SH3TC2: variants seen among roughly 807,000 people sequenced by gnomAD.
SH3TC2 encodes the protein SH3 domain and tetratricopeptide repeat-containing protein 2.
SH3TC2 carries 87 observed loss-of-function variants against 124.5 expected under a neutral mutation model. That is an observed-to-expected ratio of 0.70 (90% CI 0.59 to 0.84). The LOEUF is 0.84. SH3TC2 is among the 40% of genes least tolerant of loss of function. The pLI is 0.00. For missense variants in SH3TC2, 1,536 were observed against 1,566.4 expected (o/e 0.98, Z 0.33); for synonymous variants, 634 against 628.5 (o/e 1.01, Z -0.13).
At position 148,983,818 on chromosome 5, in the gene SH3TC2, G is replaced by A. The variant is rs199561076; in HGVS notation, c.*20893C>T. On this transcript the variant is annotated 3_prime_UTR_variant, in exon 17 of 17. Coordinates refer to ENST00000515425, the MANE Select transcript of SH3TC2 (RefSeq NM_024577.4). Reference sequence around the variant, plus strand: ...TTTTCTGTTCCAGTCAAACACAGGGGAGAGGGAAGATAAGATGTAAACTTC... The same window carrying A: ...TTTTCTGTTCCAGTCAAACACAGGGAAGAGGGAAGATAAGATGTAAACTTC... Among the ~76,000 whole-genome samples the A allele has an allele frequency of 1.4e-4, 22 of 152,286 alleles. No individual in the cohort carries two copies. In the East Asian group the frequency reaches 4.1e-3, roughly 28 times the overall value.
chr5:149,023,509 G>C (rs1199089839), intron 12 of SH3TC2, among the ~76,000 whole-genome samples: 1 of 151,348 alleles, frequency 6.6e-6, no homozygotes, highest in Admixed American at 6.6e-5. Context: ...AGTTACTTCA[G>C]GAAAGTATCA....
Position 149,042,716 on chromosome 5 carries a change from G to T in SH3TC2, c.507C>A (p.Tyr169Ter). The T allele has an allele frequency of 6.2e-7, 1 of 1,614,052 alleles. No homozygotes were observed. The highest frequency in any genetic ancestry group is 8.5e-7 in the Non-Finnish European group (1 of 1,180,008). Residue 169 changes from tyrosine (Y) to a stop codon, truncating the protein, a stop_gained, in exon 5 of 17, where the codon TAC (tyrosine) becomes TAA (stop). Transcript: ENST00000515425. LOFTEE classifies it high-confidence loss of function. ...CACCTTCCTGTATCAGGAGTCCCAG[G>T]TATATTGTTTCCAGGTGTTTATCAT... is the stretch of plus-strand genomic sequence containing the variant. ...SVDDKHLETIYLGLLIQEGHF... is the reference protein window; with the variant it reads ...SVDDKHLETI
chr5:149,009,073 T>C, intron 14 of SH3TC2, 72 bp from the exon 15 acceptor site: 4 of 1,596,302 alleles, frequency 2.5e-6, no homozygotes, highest in Non-Finnish European at 3.4e-6. Context: ...AGGAGACTTA[T>C]CTTCTACAGG....
Position 149,041,569 on chromosome 5 carries a change from T to C in SH3TC2, c.578A>G (p.Lys193Arg), listed in dbSNP as rs569256459. The C allele has an allele frequency of 8.1e-6, 13 of 1,614,032 alleles. No individual in the cohort carries two copies. The highest frequency in any genetic ancestry group is 1.0e-5 in the Non-Finnish European group (12 of 1,180,020). The change falls in exon 6 of 17, where the codon AAG (lysine) becomes AGG (arginine). Residue 193 changes from lysine (K) to arginine (R), a missense_variant. By Grantham distance (26) the Lys-to-Arg change is conservative. Coordinates refer to ENST00000515425, the MANE Select transcript of SH3TC2 (RefSeq NM_024577.4). ...GCAAAGTGTCAAGCATTCCCCTTCC[T>C]TCTCGGCTGGTGGAGTCACGGAGCA... Reference protein sequence around the residue: ...ALCSVTPPAEKEGECLTLCKN... With the variant: ...ALCSVTPPAEREGECLTLCKN...
At chr5:149,011,164 C>A (rs149338371) in intron 13 of SH3TC2, among the ~76,000 whole-genome samples, 7 of 152,200 alleles carry the variant, frequency 4.6e-5, no homozygotes, top group Non-Finnish European at 8.8e-5. Context: ...ATGGAATTGA[C>A]CCTGCACAAC....
intron 1 of SH3TC2, among the ~76,000 whole-genome samples, chr5:149,053,891 G>A (rs970380089): frequency 6.6e-6 from 1 of 152,200 alleles, no homozygotes; most frequent in African/African-American, 2.4e-5. Context: ...ACTAGAGGCA[G>A]AGAAGGGTGT....
Position 149,027,458 on chromosome 5 carries a change from G to A in SH3TC2, c.2274C>T (p.Ala758=), listed in dbSNP as rs754884178. The A allele has an allele frequency of 1.2e-6, 2 of 1,614,066 alleles. No individual in the cohort carries two copies. The highest frequency in any genetic ancestry group is 1.3e-5 in the African/African-American group (1 of 74,940). ...EELADRSTQR[A]LCLILSKVYL... ...ACACTTTGGAAAGGATGAGACACAG[G>A]GCCCTCTGGGTGCTCCGGTCTGCTA... Residue 758 remains alanine (A), a synonymous_variant, in exon 11 of 17, where the codon GCC becomes GCT. Transcript: ENST00000515425.
At chr5:149,011,402 A>G (rs1239030953) in intron 13 of SH3TC2, among the ~76,000 whole-genome samples, 1 of 152,202 alleles carries the variant, frequency 6.6e-6, no homozygotes, top group East Asian at 1.9e-4. Flanking sequence ...ACATGAAAGG[A>G]GAAGACTGAA....
At chr5:149,039,653 T>A (rs954558037) in intron 7 of SH3TC2, among the ~76,000 whole-genome samples, 1 of 152,254 alleles carries the variant, frequency 6.6e-6, no homozygotes, top group African/African-American at 2.4e-5. Context: ...TTGGTTCTCA[T>A]AACAACATTT....
Position 149,000,140 on chromosome 5 carries a change from A to G in SH3TC2, c.*4571T>C, listed in dbSNP as rs531691893. ...CTGTAACATCCTGTAACTAACACCAATCACAATGCTTCTGATACTGAATCA... is the reference window on the plus strand; with the variant it reads ...CTGTAACATCCTGTAACTAACACCAGTCACAATGCTTCTGATACTGAATCA... On this transcript the variant is annotated 3_prime_UTR_variant, in exon 17 of 17. Transcript: ENST00000515425. Among the ~76,000 whole-genome samples the G allele has an allele frequency of 3.9e-5, 6 of 152,300 alleles. No individual in the cohort carries two copies. The East Asian group carries it at 1.2e-3, about 29-fold the overall frequency.
At chr5:149,062,048 T>C (rs528235909) in intron 1 of SH3TC2, among the ~76,000 whole-genome samples, 1 of 152,158 alleles carries the variant, frequency 6.6e-6, no homozygotes, top group South Asian at 2.1e-4. Context: ...AAGAAGAAAG[T>C]TGTCTGTCAG....
In SH3TC2 at chr5:148,997,186, G is replaced by A. The variant is rs997216075; in HGVS notation, c.*7525C>T. On this transcript the variant is annotated 3_prime_UTR_variant, in exon 17 of 17. Transcript: ENST00000515425. ...CTTCTGCTACCACCATTGGAGCTAC[G>A]GGTACTATGATGGGTGAGACCCACG... is the stretch of plus-strand genomic sequence containing the variant. Among the ~76,000 whole-genome samples the A allele has an allele frequency of 2.0e-5, 3 of 152,110 alleles. No homozygotes were observed. The highest frequency in any genetic ancestry group is 7.2e-5 in the African/African-American group (3 of 41,420).
rs1276072776 is a variant in SH3TC2 at position 148,989,126 on chromosome 5, G to T, written c.*15585C>A. Among the ~76,000 whole-genome samples the T allele has an allele frequency of 1.3e-5, 2 of 152,080 alleles. No homozygotes were observed. Among genetic ancestry groups the T allele is most frequent in the Non-Finnish European group, 2.9e-5 (2 of 68,010 alleles). ...TAACGTATTTTCTTTATATTTCCTT[G>T]AGTTCCTTTTGGAGTCATTGAATTC... On this transcript the variant is annotated 3_prime_UTR_variant, in exon 17 of 17. Transcript: ENST00000515425.
At chr5:149,039,800 T>C (rs1670097493) in intron 7 of SH3TC2, among the ~76,000 whole-genome samples, 1 of 152,230 alleles carries the variant, frequency 6.6e-6, no homozygotes, top group Non-Finnish European at 1.5e-5. Flanking sequence ...GCGTTCTAAC[T>C]ACAAGGCTGT....
intron 12 of SH3TC2, among the ~76,000 whole-genome samples, chr5:149,018,923 A>G (rs1015692527): frequency 6.6e-6 from 1 of 152,126 alleles, no homozygotes; most frequent in Non-Finnish European, 1.5e-5. Flanking sequence ...CTTTGCTGAA[A>G]GCATTGTCTC....
chr5:149,004,913 G>T lies in SH3TC2; in HGVS notation c.3676-11C>A, dbSNP rs372496654. 2.5e-6 allele frequency: 4 copies of T among 1,613,998 alleles called. No individual in the cohort carries two copies. The highest frequency in any genetic ancestry group is 3.4e-6 in the Non-Finnish European group (4 of 1,180,004). On this transcript the variant is annotated splice_polypyrimidine_tract_variant and intron_variant, in intron 16 of 16. Coordinates refer to ENST00000515425, the MANE Select transcript of SH3TC2 (RefSeq NM_024577.4). ...GGCATCATGGGCATCCTAACCCCGTGGTATGGGGGCAAAGAAGAGACAGCA... is the reference window on the plus strand; with the variant it reads ...GGCATCATGGGCATCCTAACCCCGTTGTATGGGGGCAAAGAAGAGACAGCA...
intron 2 of SH3TC2, among the ~76,000 whole-genome samples, chr5:149,051,182 G>A (rs143951661): frequency 5.9e-5 from 9 of 152,056 alleles, no homozygotes; most frequent in South Asian, 2.1e-4. Context: ...TTCTCTTTGC[G>A]GGCTTCATCG....
At chr5:149,028,927 C>T (rs1384641180) in intron 9 of SH3TC2, among the ~76,000 whole-genome samples, 2 of 149,938 alleles carry the variant, frequency 1.3e-5, no homozygotes, top group Non-Finnish European at 1.5e-5. Flanking sequence ...ATGCACTTTA[C>T]AGTTGGGAAC....
rs1212589830 is a variant in SH3TC2, at chr5:148,999,484, C to T, written c.*5227G>A. Among the ~76,000 whole-genome samples, 1 of 152,170 alleles carries T rather than the reference C, an allele frequency of 6.6e-6. No homozygotes were observed. Among genetic ancestry groups the T allele is most frequent in the African/African-American group, 2.4e-5 (1 of 41,438 alleles). ...GTGCAGAGCCCATTCCCTTGAATTT[C>T]TTCCTTCTTTGCCGCTTGTCCACAC... On this transcript the variant is annotated 3_prime_UTR_variant, in exon 17 of 17. Transcript: ENST00000515425.
Sources: allele counts gnomAD v4.1 joint callset (sites outside exome capture counted in the v4.1 genomes callset), GRCh38; gene constraint gnomAD v4.1.1; transcripts MANE v1.5; gene names NCBI Gene and HGNC (gene_info 2026-07-23, HGNC 2026-07-21).